LRP1B: variants seen among roughly 807,000 people sequenced by gnomAD.
LRP1B encodes low-density lipoprotein receptor-related protein 1B.
Under a neutral mutation model 556.6 loss-of-function variants are expected in LRP1B, and 217 were observed. The ratio of observed to expected loss-of-function variants is 0.39; its 90% CI spans 0.35 to 0.44. The LOEUF (loss-of-function observed/expected upper bound fraction) is 0.44. Among genes scored for constraint, LRP1B ranks in the 20% least tolerant of loss-of-function variants. The pLI, the probability that LRP1B is intolerant of heterozygous loss-of-function variation, is 1.00. For synonymous variants in LRP1B, 2,047 were observed against 1,865.8 expected, an observed-to-expected ratio of 1.10 and a Z score of -2.50; for missense variants, 5,053 against 5,620.8, an observed-to-expected ratio of 0.90 and a Z score of 3.23.
intron 1 of LRP1B, among the ~76,000 whole-genome samples, chr2:141,861,892 T>C (rs923338854): frequency 2.0e-5 from 3 of 151,454 alleles, no homozygotes; most frequent in Non-Finnish European, 4.4e-5. Flanking sequence ...ATAGTGCCAC[T>C]GCACTTTAGC....
chr2:140,424,185 A>T (rs1037371271), intron 66 of LRP1B, among the ~76,000 whole-genome samples: 3 of 152,246 alleles, frequency 2.0e-5, no homozygotes, highest in African/African-American at 7.2e-5. Context: ...TCCTTAAAAA[A>T]GATAATTTGG....
chr2:141,160,039 G>A (rs769206834), intron 7 of LRP1B, among the ~76,000 whole-genome samples: 4 of 152,138 alleles, frequency 2.6e-5, no homozygotes, highest in Non-Finnish European at 5.9e-5. Context: ...GTCAATAGGT[G>A]CAGCAAACCA....
intron 2 of LRP1B, among the ~76,000 whole-genome samples, chr2:141,724,550 A>T (rs544633803): frequency 6.6e-6 from 1 of 151,946 alleles, no homozygotes. Flanking sequence ...GATATCTAAA[A>T]CTCATAGAGA....
At chr2:142,036,045 T>C (rs74686491) in intron 1 of LRP1B, among the ~76,000 whole-genome samples, 8,879 of 151,788 alleles carry the variant, frequency 0.058, 364 homozygotes, top group Non-Finnish European at 0.083. Flanking sequence ...CCCAGCCACA[T>C]GGAAATGTAA....
At chr2:140,618,781 TC>T (rs997241058) in intron 41 of LRP1B, among the ~76,000 whole-genome samples, 2 of 151,854 alleles carry the variant, frequency 1.3e-5, no homozygotes, top group Non-Finnish European at 2.9e-5. Flanking sequence ...TAACACCTGG[TC>T]CCCTCATTCA....
At chr2:141,472,758 C>T (rs1682524601) in intron 3 of LRP1B, among the ~76,000 whole-genome samples, 1 of 152,018 alleles carries the variant, frequency 6.6e-6, no homozygotes, top group Admixed American at 6.6e-5. Flanking sequence ...CTCCTTTTAA[C>T]TTAAAGCCTT....
At chr2:140,860,921 G>A (rs1488015042) in intron 27 of LRP1B, among the ~76,000 whole-genome samples, 7 of 152,118 alleles carry the variant, frequency 4.6e-5, no homozygotes, top group African/African-American at 1.4e-4. Context: ...CTCCCTTACA[G>A]GGTGGGGGAG....
At chr2:141,131,114 C>A (rs1274154719) in intron 7 of LRP1B, among the ~76,000 whole-genome samples, 1 of 151,966 alleles carries the variant, frequency 6.6e-6, no homozygotes, top group Non-Finnish European at 1.5e-5. Context: ...ACATGTTCTG[C>A]ACTTGTATCC....
At chr2:141,663,931 A>AG (rs999521095) in intron 2 of LRP1B, among the ~76,000 whole-genome samples, 1 of 151,408 alleles carries the variant, frequency 6.6e-6, no homozygotes, top group Non-Finnish European at 1.5e-5. Flanking sequence ...AAAAAAAAAA[A>AG]AAAAACAAAA....
intron 5 of LRP1B, among the ~76,000 whole-genome samples, chr2:141,237,868 A>G (rs1184590216): frequency 4.6e-5 from 7 of 152,162 alleles, no homozygotes. Flanking sequence ...TGTTATCTGA[A>G]AGCCTTACTT....
intron 2 of LRP1B, among the ~76,000 whole-genome samples, chr2:141,624,652 TTAAATA>T (rs1236417613): frequency 1.3e-5 from 2 of 152,202 alleles, no homozygotes; most frequent in Non-Finnish European, 2.9e-5. Flanking sequence ...GATTTACAAT[TTAAATA>T]TAGTTACCAT....
At chr2:140,570,087 G>T (rs1455360084) in intron 43 of LRP1B, among the ~76,000 whole-genome samples, 1 of 151,580 alleles carries the variant, frequency 6.6e-6, no homozygotes, top group African/African-American at 2.4e-5. Context: ...CAAGTAGAAA[G>T]ATATCAAATT....
chr2:141,658,666 T>C (rs899931741), intron 2 of LRP1B, among the ~76,000 whole-genome samples: 2 of 152,222 alleles, frequency 1.3e-5, no homozygotes, highest in African/African-American at 4.8e-5. Flanking sequence ...TTAGAGTATT[T>C]TGTTATGCAG....
chr2:141,302,107 G>C (rs181989252), intron 3 of LRP1B, among the ~76,000 whole-genome samples: 28 of 152,034 alleles, frequency 1.8e-4, no homozygotes, highest in Non-Finnish European at 2.9e-5. Context: ...ATAAATAAAG[G>C]CATAAATATC....
At chr2:142,123,841 G>T (rs910129994) in intron 1 of LRP1B, among the ~76,000 whole-genome samples, 5 of 151,634 alleles carry the variant, frequency 3.3e-5, no homozygotes, top group African/African-American at 1.2e-4. Flanking sequence ...AGAAAAATAA[G>T]ATTAAACAAA....
At chr2:140,841,189 T>C (rs532963034) in intron 29 of LRP1B, 97 bp from the exon 30 acceptor site, 1 of 749,640 alleles carries the variant, frequency 1.3e-6, no homozygotes, top group Admixed American at 2.9e-5. Flanking sequence ...AAATTTAATT[T>C]ATACTTTAAT....
chr2:141,917,929 A>C (rs1700081848), intron 1 of LRP1B, among the ~76,000 whole-genome samples: 1 of 152,142 alleles, frequency 6.6e-6, no homozygotes, highest in Non-Finnish European at 1.5e-5. Context: ...AACAGCTAAC[A>C]TGTCCATCAA....
chr2:141,148,826 G>GT (rs1258356798), intron 7 of LRP1B, among the ~76,000 whole-genome samples: 2 of 152,184 alleles, frequency 1.3e-5, no homozygotes, highest in Non-Finnish European at 2.9e-5. Flanking sequence ...GTTCACGCCT[G>GT]TAATCCCAAC....
At chr2:141,529,363 G>A (rs1684795800) in intron 2 of LRP1B, among the ~76,000 whole-genome samples, 1 of 152,142 alleles carries the variant, frequency 6.6e-6, no homozygotes, top group Admixed American at 6.6e-5. Context: ...CTTTGCCCTT[G>A]AGGCACTCAC....
Sources: allele counts gnomAD v4.1 joint callset (sites outside exome capture counted in the v4.1 genomes callset), GRCh38; gene constraint gnomAD v4.1.1; transcripts MANE v1.5; gene names NCBI Gene and HGNC (gene_info 2026-07-23, HGNC 2026-07-21).